The following KCNH8 variants were observed in gnomAD, a reference collection of about 807,000 sequenced individuals.
The protein encoded by KCNH8 is potassium voltage-gated channel subfamily H member 8.
Under a neutral mutation model 103.6 loss-of-function variants are expected in KCNH8, and 70 were observed. The observed-to-expected ratio is 0.68, with a 90% CI of 0.56 to 0.82. The LOEUF (loss-of-function observed/expected upper bound fraction) is 0.82, where lower values mean the gene tolerates loss of function less well. KCNH8 is among the 40% of genes least tolerant of loss of function. KCNH8 has a pLI of 0.00. For synonymous variants in KCNH8, 498 were observed against 489.4 expected (o/e 1.02, Z -0.23); for missense variants, 1,217 against 1,329.9 (o/e 0.92, Z 1.32).
intron 3 of KCNH8, among the ~76,000 whole-genome samples, chr3:19,294,049 T>A (rs1235390280): frequency 1.3e-5 from 2 of 152,134 alleles, no homozygotes; most frequent in Non-Finnish European, 2.9e-5. Context: ...CAAAGACGAT[T>A]TTTCATGTAT....
intron 1 of KCNH8, among the ~76,000 whole-genome samples, chr3:19,225,444 G>T (rs984755050): frequency 5.3e-5 from 8 of 152,056 alleles, no homozygotes; most frequent in African/African-American, 9.7e-5. Context: ...GCTATTCAAG[G>T]TCAAAGTCCT....
At chr3:19,427,845 CAGTA>C (rs2067052070) in intron 7 of KCNH8, among the ~76,000 whole-genome samples, 1 of 152,042 alleles carries the variant, frequency 6.6e-6, no homozygotes, top group Non-Finnish European at 1.5e-5. Flanking sequence ...ATGATGGAGA[CAGTA>C]AGTAGACAGT....
intron 11 of KCNH8, among the ~76,000 whole-genome samples, chr3:19,498,731 A>C (rs1386656561): frequency 6.6e-6 from 1 of 151,866 alleles, no homozygotes; most frequent in African/African-American, 2.4e-5. Context: ...TTGGTCTTTG[A>C]TGATGGTGAT....
At chr3:19,419,130 G>A (rs1021003527) in intron 7 of KCNH8, among the ~76,000 whole-genome samples, 2 of 151,376 alleles carry the variant, frequency 1.3e-5, no homozygotes, top group African/African-American at 4.9e-5. Flanking sequence ...TGTGTATGTG[G>A]CTGTTTGCTT....
At chr3:19,262,039 T>C (rs1414445487) in intron 2 of KCNH8, among the ~76,000 whole-genome samples, 6 of 151,896 alleles carry the variant, frequency 4.0e-5, no homozygotes, top group Non-Finnish European at 8.8e-5. Context: ...AATCAGGAAG[T>C]CAAATGCTTC....
chr3:19,411,842 G>A (rs569616655), intron 7 of KCNH8, among the ~76,000 whole-genome samples: 1 of 151,608 alleles, frequency 6.6e-6, no homozygotes, highest in South Asian at 2.1e-4. Context: ...TATCTGCAAG[G>A]AGAATTACAA....
chr3:19,243,572 A>G (rs1247982434), intron 1 of KCNH8, among the ~76,000 whole-genome samples: 1 of 152,226 alleles, frequency 6.6e-6, no homozygotes, highest in African/African-American at 2.4e-5. Flanking sequence ...AATTATGGAA[A>G]ACATTTGAAT....
At position 19,253,340 on chromosome 3, in the gene KCNH8, A is replaced by G. The variant is rs11915017; in HGVS notation, c.77-314A>G. ...ATACATTACATGGCAGATTCAGTAT[A>G]TGAAACCAGAAGCCATGATCAAAAG... On this transcript the variant is annotated intron_variant, in intron 1 of 15. Coordinates refer to ENST00000328405, the MANE Select transcript of KCNH8 (RefSeq NM_144633.3). Among the ~76,000 whole-genome samples, 428 of 152,204 alleles carry G rather than the reference A, an allele frequency of 2.8e-3. 3 individuals carry two copies. Among genetic ancestry groups the G allele is most frequent in the African/African-American group, 9.5e-3 (393 of 41,530 alleles).
At chr3:19,246,316 C>T (rs1343936282) in intron 1 of KCNH8, among the ~76,000 whole-genome samples, 5 of 118,282 alleles carry the variant, frequency 4.2e-5, no homozygotes, top group Non-Finnish European at 4.8e-5. Flanking sequence ...CTCGCTCTGT[C>T]GCCAGGCTGG....
At chr3:19,327,028 TTC>T (rs763154124) in intron 3 of KCNH8, among the ~76,000 whole-genome samples, 7 of 152,062 alleles carry the variant, frequency 4.6e-5, no homozygotes, top group Non-Finnish European at 8.8e-5. Context: ...AGATGTCTAG[TTC>T]TCTCTCTCTG....
At chr3:19,438,007 A>C (rs540067162) in intron 7 of KCNH8, among the ~76,000 whole-genome samples, 157 bp from the exon 8 acceptor site, 43 of 152,260 alleles carry the variant, frequency 2.8e-4, no homozygotes, top group African/African-American at 1.0e-3. Context: ...ACTTTTAAAG[A>C]ATGAAATCTA....
Position 19,258,941 on chromosome 3 carries a change from CTCTCTCTATATATATATA to C in KCNH8, c.310+5056_310+5073del, listed in dbSNP as rs1423313468. 1.8e-3 allele frequency among the ~76,000 whole-genome samples: 114 copies of C among 64,524 alleles called. 1 individual carries two copies. The highest frequency in any genetic ancestry group is 4.5e-3 in the Admixed American group (29 of 6,488). 42.3% of individuals were successfully genotyped at this position (64,524 alleles called of 152,430 possible). ...TCTCTCTCTCTCTCTCTCTCTCTCT[CTCTCTCTATATATATATA>C]TATATATATATATATATATATATCT... On this transcript the variant is annotated intron_variant, in intron 2 of 15. Transcript: ENST00000328405.
At chr3:19,508,098 T>C (rs551086657) in intron 11 of KCNH8, among the ~76,000 whole-genome samples, 3 of 152,344 alleles carry the variant, frequency 2.0e-5, no homozygotes, top group African/African-American at 7.2e-5. Flanking sequence ...AAAGCCTACT[T>C]GATCATGCTG....
chr3:19,421,597 A>G (rs2125157335), intron 7 of KCNH8, among the ~76,000 whole-genome samples: 1 of 152,188 alleles, frequency 6.6e-6, no homozygotes, highest in East Asian at 1.9e-4. Flanking sequence ...CCAAAGATTT[A>G]ATTCACTAAT....
chr3:19,480,428 G>A (rs2068064333), intron 11 of KCNH8, among the ~76,000 whole-genome samples: 1 of 152,144 alleles, frequency 6.6e-6, no homozygotes, highest in Non-Finnish European at 1.5e-5. Flanking sequence ...ATGAGTTAGA[G>A]AAATAGATGA....
intron 1 of KCNH8, among the ~76,000 whole-genome samples, chr3:19,168,202 A>G (rs181261229): frequency 6.6e-6 from 1 of 151,544 alleles, no homozygotes; most frequent in East Asian, 2.0e-4. Flanking sequence ...GTTTGTTTGT[A>G]TTTTTAGTAG....
intron 15 of KCNH8, among the ~76,000 whole-genome samples, chr3:19,524,592 G>GA (rs60272277): frequency 0.068 from 10,199 of 150,100 alleles, 479 homozygotes; most frequent in East Asian, 0.27. Context: ...TCTCTCAAAA[G>GA]AAAAAAAAAC....
At chr3:19,355,572 T>C (rs1234984965) in intron 5 of KCNH8, among the ~76,000 whole-genome samples, 1 of 152,184 alleles carries the variant, frequency 6.6e-6, no homozygotes, top group Non-Finnish European at 1.5e-5. Flanking sequence ...GATGAGTTCA[T>C]GTCCTTTGTA....
intron 3 of KCNH8, among the ~76,000 whole-genome samples, chr3:19,284,580 A>G (rs2064804705): frequency 6.6e-6 from 1 of 151,114 alleles, no homozygotes; most frequent in African/African-American, 2.4e-5. Flanking sequence ...AAAGAGAGAG[A>G]CAGCCTTCAG....
Sources: gnomAD v4.1 joint callset for allele counts (sites outside exome capture counted in the v4.1 genomes callset) on GRCh38, gnomAD v4.1.1 for gene constraint, MANE v1.5 for transcripts, NCBI Gene and HGNC (gene_info 2026-07-23, HGNC 2026-07-21) for gene names.